The following MELTF variants were observed in gnomAD, a reference collection of about 807,000 sequenced individuals.
MELTF encodes the protein melanotransferrin.
MELTF carries 67 observed loss-of-function variants against 83.7 expected under a neutral mutation model. The observed-to-expected ratio is 0.80, with a 90% confidence interval of 0.66 to 0.98. The LOEUF is 0.98. Among genes scored for constraint, MELTF ranks in the 50% least tolerant of loss-of-function variants. The pLI is 0.00. For missense variants in MELTF, 1,002 were observed against 1,035.6 expected, an observed-to-expected ratio of 0.97 and a Z score of 0.44; for synonymous variants, 462 against 447.6, an observed-to-expected ratio of 1.03 and a Z score of -0.41.
At position 197,027,747 on chromosome 3, in the gene MELTF, A is replaced by T. The variant is rs1156472157; in HGVS notation, c.204+9T>A. On this transcript the variant is annotated intron_variant, in intron 2 of 15. Transcript: ENST00000296350. Reference sequence around the variant, plus strand: ...TCTTGTCTGGCAGGGTGGAAGGGAGAGGACTCACCGCGATGAGCTGGACGC... The same window carrying T: ...TCTTGTCTGGCAGGGTGGAAGGGAGTGGACTCACCGCGATGAGCTGGACGC... 2 of 1,601,398 alleles carry T rather than the reference A, an allele frequency of 1.2e-6. No individual in the cohort carries two copies. The highest frequency in any genetic ancestry group is 1.7e-5 in the Admixed American group (1 of 59,578).
Position 197,024,945 on chromosome 3 carries a change from C to G in MELTF, c.305-460G>C, listed in dbSNP as rs1268863255. Among the ~76,000 whole-genome samples the G allele has an allele frequency of 6.6e-6, 1 of 152,180 alleles. No homozygotes were observed. The highest frequency in any genetic ancestry group is 1.5e-5 in the Non-Finnish European group (1 of 68,040). ...CAGGGGAGCCGAGGAGGGGCTTCCC[C>G]AGATGAGGAGCGGCGATTTCCTGGT... On this transcript the variant is annotated intron_variant, in intron 3 of 15. Transcript: ENST00000296350. This position sits in a 1 kb window ranked among gnomAD's most constrained non-coding sequence, Gnocchi z 5.3.
chr3:197,009,003 G>C (rs368817811), intron 11 of MELTF, 38 bp from the exon 12 acceptor site: 8 of 1,610,792 alleles, frequency 5.0e-6, no homozygotes, highest in African/African-American at 2.7e-5. Flanking sequence ...GGGGCCAGCA[G>C]TGGAAAGTGT....
rs1344167443 is a variant in MELTF, at chr3:197,024,158, A to G, written c.487+145T>C. 7 of 796,568 alleles carry G rather than the reference A, an allele frequency of 8.8e-6. No individual in the cohort carries two copies. In the Admixed American group the frequency reaches 1.3e-4, roughly 15 times the overall value. The allele number at this position is 796,568 out of a possible 1,614,324, so 49.3% of individuals were successfully genotyped here. On this transcript the variant is annotated intron_variant, in intron 4 of 15. Coordinates refer to ENST00000296350, the MANE Select transcript of MELTF (RefSeq NM_005929.6). This position sits in a 1 kb window ranked among gnomAD's most constrained non-coding sequence, Gnocchi z 5.3. The stretch of plus-strand genomic sequence containing the variant: ...GCGGCAGAGTGGAGGCGGGGGAGGC[A>G]CGGGGCGGGCGGGGGCTGCTGCGCC...
chr3:197,006,056 T>TA lies in MELTF; in HGVS notation c.1938+492dup, dbSNP rs1330250259. 6.6e-6 allele frequency among the ~76,000 whole-genome samples: 1 copy of TA among 151,874 alleles called. No homozygotes were observed. The highest frequency in any genetic ancestry group is 2.4e-5 in the African/African-American group (1 of 41,330). ...TAACACGGTGAAACCCCTTCTCTAC[T>TA]AAAAAATAGAAAAAATTAGCCAGGC... On this transcript the variant is annotated intron_variant, in intron 14 of 15. Coordinates refer to ENST00000296350, the MANE Select transcript of MELTF (RefSeq NM_005929.6). This position sits in a 1 kb window ranked among gnomAD's most constrained non-coding sequence, Gnocchi z 5.4.
At chr3:197,025,923 G>A (rs1355404407) in intron 3 of MELTF, 2 of 152,422 alleles carry the variant, frequency 1.3e-5, no homozygotes, top group African/African-American at 4.8e-5. Flanking sequence ...CTGCTCCAGA[G>A]AGGGAGGGGC....
At chr3:197,021,273 A>G in intron 6 of MELTF, 131 bp downstream of exon 6, 1 of 787,732 alleles carries the variant, frequency 1.3e-6, no homozygotes, top group East Asian at 2.7e-5. Flanking sequence ...GACTTGTCCA[A>G]GGTCACCCAG....
chr3:197,011,616 G>A lies in MELTF; in HGVS notation c.1234-822C>T, dbSNP rs1288722413. On this transcript the variant is annotated intron_variant, in intron 9 of 15. Coordinates refer to ENST00000296350, the MANE Select transcript of MELTF (RefSeq NM_005929.6). This position sits in a 1 kb window ranked among gnomAD's most constrained non-coding sequence, Gnocchi z 4.2. ...GGCGTTGATATTTGGGGCCAGGAGG[G>A]TGCACAGCTCGGGGCCCTTTTTCCA... Among the ~76,000 whole-genome samples the A allele has an allele frequency of 6.6e-6, 1 of 152,132 alleles. No homozygotes were observed. Among genetic ancestry groups the A allele is most frequent in the East Asian group, 1.9e-4 (1 of 5,182 alleles).
chr3:197,028,100 G>T, intron 1 of MELTF, 190 bp from the exon 2 acceptor site: 1 of 640,836 alleles, frequency 1.6e-6, no homozygotes, highest in Non-Finnish European at 2.6e-6. Context: ...TGTGCTCAGG[G>T]CCTCTCTGAC....
intron 9 of MELTF, among the ~76,000 whole-genome samples, chr3:197,014,226 G>A (rs1719279605): frequency 6.6e-6 from 1 of 152,102 alleles, no homozygotes; most frequent in South Asian, 2.1e-4. Flanking sequence ...GGAACTGGGG[G>A]ACACCGTGTT....
rs1490565125 is a variant in MELTF at position 197,012,098 on chromosome 3, C to G, written c.1234-1304G>C. ...ACACACAGTCGCGCTCAGCTCTGCACAAGGACAGGCTTCTATCGGGCCTGC... is the reference window on the plus strand; with the variant it reads ...ACACACAGTCGCGCTCAGCTCTGCAGAAGGACAGGCTTCTATCGGGCCTGC... On this transcript the variant is annotated intron_variant, in intron 9 of 15. Coordinates refer to ENST00000296350, the MANE Select transcript of MELTF (RefSeq NM_005929.6). Among the ~76,000 whole-genome samples the G allele has an allele frequency of 2.0e-5, 3 of 152,238 alleles. No individual in the cohort carries two copies. The East Asian group carries it at 5.8e-4, about 29-fold the overall frequency.
intron 8 of MELTF, 54 bp downstream of exon 8, chr3:197,016,135 T>G: frequency 7.0e-7 from 1 of 1,422,014 alleles, no homozygotes; most frequent in Non-Finnish European, 9.3e-7. Flanking sequence ...AGCCTCGCCA[T>G]GCCCGAGGTT....
At chr3:197,016,500 C>T (rs563206152) in intron 7 of MELTF, 131 bp from the exon 8 acceptor site, 2 of 750,732 alleles carry the variant, frequency 2.7e-6, no homozygotes, top group South Asian at 2.1e-5. Flanking sequence ...CAGGTGAGGC[C>T]TCCCTCTTCT....
intron 6 of MELTF, among the ~76,000 whole-genome samples, chr3:197,020,673 T>G (rs116513131): frequency 0.014 from 2,067 of 152,120 alleles, 38 homozygotes; most frequent in African/African-American, 0.044. Context: ...GGGTTTTTTT[T>G]TTGTTGTTGT....
Position 197,024,524 on chromosome 3 carries a change from G to C in MELTF, c.305-39C>G. 4 of 1,526,226 alleles carry C rather than the reference G, an allele frequency of 2.6e-6. No homozygotes were observed. Among genetic ancestry groups the C allele is most frequent in the African/African-American group, 1.4e-5 (1 of 72,836 alleles). The allele number at this position is 1,526,226 out of a possible 1,614,324, so 94.5% of individuals were successfully genotyped here. A position where few individuals can be genotyped will look rare whatever the true frequency, so the allele number is the denominator to read the frequency against. On this transcript the variant is annotated intron_variant, in intron 3 of 15. Coordinates refer to ENST00000296350, the MANE Select transcript of MELTF (RefSeq NM_005929.6). This position sits in a 1 kb window ranked among gnomAD's most constrained non-coding sequence, Gnocchi z 5.3. ...GGAGTGGGTGAGGGCAGCAGGGAGA[G>C]GCCTCGAGAGAGGCTGCACCAGCAC...
At chr3:197,017,675 AG>A (rs1428543820) in intron 6 of MELTF, among the ~76,000 whole-genome samples, 2 of 152,168 alleles carry the variant, frequency 1.3e-5, no homozygotes, top group African/African-American at 2.4e-5. Flanking sequence ...CAGGAGATCA[AG>A]ACCATCCTGG....
chr3:197,026,470 G>A, intron 3 of MELTF, 190 bp downstream of exon 3: 1 of 594,858 alleles, frequency 1.7e-6, no homozygotes, highest in Non-Finnish European at 3.0e-6. Flanking sequence ...ACTTGGGGCA[G>A]CTCTCTGTGT....
intron 3 of MELTF, among the ~76,000 whole-genome samples, chr3:197,025,239 G>T (rs1398910886): frequency 3.9e-5 from 6 of 152,254 alleles, no homozygotes; most frequent in African/African-American, 1.4e-4. Context: ...ACTGCCCGGT[G>T]GTGTGGGAGG....
rs183159932 is a variant in MELTF, at chr3:197,015,497, G to C, written c.1101C>G (p.Arg367=). The C allele has an allele frequency of 2.5e-5, 40 of 1,611,632 alleles. No individual in the cohort carries two copies. The African/African-American group carries it at 5.1e-4, about 20-fold the overall frequency. Residue 367 remains arginine (R), a synonymous_variant, in exon 9 of 16, where the codon CGC becomes CGG. Coordinates refer to ENST00000296350, the MANE Select transcript of MELTF (RefSeq NM_005929.6). ...TCTCGGGAGTGGAGAGCACACACCA[G>C]CGCAGGTAGGGGGGCAGCCCTGGGG... The part of the protein sequence containing the change: ...CDPNRLPPYL[R]WCVLSTPEIQ...
Position 197,004,015 on chromosome 3 carries a change from C to G in MELTF, c.2023G>C (p.Asp675His), listed in dbSNP as rs150638130. 94 of 1,614,178 alleles carry G rather than the reference C, an allele frequency of 5.8e-5. No homozygotes were observed. In the African/African-American group the frequency reaches 9.1e-4, roughly 16 times the overall value. ...ACAGGCACCGCCCGGACGGTGGCAT[C>G]CTTGAAAAGCAGGTCTTGGCCATGA... Reference protein sequence around the residue: ...NYHGQDLLFKDATVRAVPVGE... With the variant: ...NYHGQDLLFKHATVRAVPVGE... The change falls in exon 15 of 16, where the codon GAT (aspartate) becomes CAT (histidine). Residue 675 changes from aspartate (D) to histidine (H), a missense_variant. Asp to His is a moderately conservative substitution (Grantham distance 81). Coordinates refer to ENST00000296350, the MANE Select transcript of MELTF (RefSeq NM_005929.6).
Sources: gnomAD v4.1 joint callset for allele counts (sites outside exome capture counted in the v4.1 genomes callset) on GRCh38, gnomAD v4.1.1 for gene constraint, Gnocchi (gnomAD v3.1) non-coding constraint, MANE v1.5 for transcripts, NCBI Gene and HGNC (gene_info 2026-07-23, HGNC 2026-07-21) for gene names.